IFT70A: variants seen among roughly 807,000 people sequenced by gnomAD.
The protein encoded by IFT70A is intraflagellar transport protein 70A.
At chr2:177,617,890 T>C in the IFT70A span, 5 of 1,614,242 alleles carry the variant, frequency 3.1e-6, no homozygotes, top group South Asian at 4.4e-5. Flanking sequence ...GAGGGTTTCT[T>C]GAGCTACCTC....
the IFT70A span, chr2:177,618,268 C>A: frequency 6.2e-7 from 1 of 1,614,246 alleles, no homozygotes; most frequent in Non-Finnish European, 8.5e-7. Context: ...ACTTTCTTCT[C>A]CCCCTTCCCC....
At chr2:177,616,246 T>C in the IFT70A span, 1 of 152,908 alleles carries the variant, frequency 6.5e-6, no homozygotes. Context: ...GACAGCATAG[T>C]CTATGCTGAG....
At chr2:177,613,701 G>A in the IFT70A span, 2 of 152,118 alleles carry the variant, frequency 1.3e-5, no homozygotes, top group East Asian at 1.9e-4. Flanking sequence ...CTCTCCTAAT[G>A]AAATAATTGA....
chr2:177,618,635 G>A, the IFT70A span: 8 of 1,609,836 alleles, frequency 5.0e-6, no homozygotes, highest in Non-Finnish European at 6.8e-6. Flanking sequence ...CGGGCATCGC[G>A]GATGAGCCGG....
chr2:177,618,437 G>T, the IFT70A span: 32 of 1,607,208 alleles, frequency 2.0e-5, no homozygotes, highest in Non-Finnish European at 2.6e-5. Flanking sequence ...GCCTTGTACA[G>T]GGCCTGGGCC....
the IFT70A span, chr2:177,616,569 C>G: frequency 6.0e-6 from 5 of 830,722 alleles, no homozygotes; most frequent in Non-Finnish European, 8.7e-6. Flanking sequence ...AAAAGTTGCT[C>G]AAACATAAAC....
the IFT70A span, chr2:177,616,327 T>C: frequency 6.2e-6 from 1 of 162,096 alleles, no homozygotes; most frequent in East Asian, 1.8e-4. Flanking sequence ...GTCATTTACA[T>C]ATCAGTGACC....
chr2:177,616,818 A>G, the IFT70A span: 1 of 1,601,976 alleles, frequency 6.2e-7, no homozygotes. Flanking sequence ...GTTCAATAAC[A>G]GCAGGTATGT....
At chr2:177,617,788 C>T in the IFT70A span, 1 of 1,614,104 alleles carries the variant, frequency 6.2e-7, no homozygotes, top group Non-Finnish European at 8.5e-7. Context: ...CTTTTCAAAC[C>T]CTTCTGTAGG....
the IFT70A span, chr2:177,618,242 T>C: frequency 1.4e-5 from 23 of 1,614,052 alleles, no homozygotes; most frequent in Non-Finnish European, 1.9e-5. Flanking sequence ...TGGCCATCGG[T>C]CTCATTGTCG....
At chr2:177,616,829 T>C in the IFT70A span, 4 of 1,600,706 alleles carry the variant, frequency 2.5e-6, no homozygotes, top group Non-Finnish European at 3.4e-6. Flanking sequence ...GCAGGTATGT[T>C]TGTGCCATAA....
the IFT70A span, chr2:177,617,244 G>C: frequency 1.9e-6 from 3 of 1,587,058 alleles, no homozygotes; most frequent in Non-Finnish European, 2.6e-6. Context: ...AATGCTTCTT[G>C]ACTATGGGTT....
At chr2:177,618,657 G>T in the IFT70A span, 2 of 1,604,856 alleles carry the variant, frequency 1.2e-6, no homozygotes, top group Non-Finnish European at 1.7e-6. Context: ...ACACTAGCGC[G>T]GTAAACTCCC....
At chr2:177,616,794 T>G in the IFT70A span, 2 of 1,595,358 alleles carry the variant, frequency 1.3e-6, no homozygotes, top group African/African-American at 2.7e-5. Context: ...GCATTCTTTC[T>G]TCTTCGAGGG....
chr2:177,613,644 G>A, the IFT70A span: 2 of 152,160 alleles, frequency 1.3e-5, no homozygotes, highest in Admixed American at 6.5e-5. Flanking sequence ...GATGCCATGA[G>A]TGCTGGTGAA....
the IFT70A span, chr2:177,616,994 T>C: frequency 6.2e-7 from 1 of 1,613,200 alleles, no homozygotes; most frequent in Non-Finnish European, 8.5e-7. Flanking sequence ...GGCTCCAAGC[T>C]TTTGATAACT....
At chr2:177,616,530 C>T in the IFT70A span, 47 of 529,646 alleles carry the variant, frequency 8.9e-5, no homozygotes, top group Non-Finnish European at 1.3e-4. Flanking sequence ...GCTTACACTG[C>T]ATAGTCCCTA....
the IFT70A span, chr2:177,617,525 G>A: frequency 6.2e-7 from 1 of 1,614,206 alleles, no homozygotes; most frequent in Non-Finnish European, 8.5e-7. Context: ...TGCTTGGTGA[G>A]TCTCCGAAGC....
At chr2:177,617,516 G>A in the IFT70A span, 1 of 1,614,128 alleles carries the variant, frequency 6.2e-7, no homozygotes, top group Non-Finnish European at 8.5e-7. Flanking sequence ...TCCTGTACTT[G>A]CTTGGTGAGT....
Sources: gnomAD v4.1 joint callset for allele counts on GRCh38, gnomAD v4.1.1 for gene constraint, MANE v1.5 for transcripts, NCBI Gene and HGNC (gene_info 2026-07-23, HGNC 2026-07-21) for gene names.